Variants in R3HDM2 observed in about 807,000 individuals in gnomAD.
R3HDM2 encodes R3H domain containing 2.
A neutral mutation model predicts 124.5 loss-of-function variants in R3HDM2; 38 were observed. The ratio of observed to expected loss-of-function variants is 0.31; its 90% confidence interval spans 0.24 to 0.40. The LOEUF (loss-of-function observed/expected upper bound fraction) is 0.40. Among genes scored for constraint, R3HDM2 ranks in the 10% least tolerant of loss-of-function variants. The pLI is 1.00. For synonymous variants in R3HDM2, 391 were observed against 448.0 expected, an observed-to-expected ratio of 0.87 and a Z score of 1.61; for missense variants, 869 against 1,236.9, an observed-to-expected ratio of 0.70 and a Z score of 4.46.
At chr12:57,399,358 T>C (rs996664457) in intron 1 of R3HDM2, among the ~76,000 whole-genome samples, 6 of 152,078 alleles carry the variant, frequency 3.9e-5, no homozygotes, top group Non-Finnish European at 8.8e-5. Flanking sequence ...GCTGAGATCA[T>C]GCCACTGCAC....
At chr12:57,425,813 C>T (rs1181313763) in intron 1 of R3HDM2, among the ~76,000 whole-genome samples, 1 of 152,072 alleles carries the variant, frequency 6.6e-6, no homozygotes, top group Non-Finnish European at 1.5e-5. Flanking sequence ...AAAACGCACA[C>T]TTCACTCCCT....
At chr12:57,274,921 C>T (rs142762211) in intron 14 of R3HDM2, among the ~76,000 whole-genome samples, 82 of 151,990 alleles carry the variant, frequency 5.4e-4, no homozygotes, top group Non-Finnish European at 1.1e-3. Context: ...CAATGCAATC[C>T]CCATCAAAAT....
intron 4 of R3HDM2, among the ~76,000 whole-genome samples, chr12:57,301,444 G>A (rs2051138379): frequency 6.6e-6 from 1 of 152,196 alleles, no homozygotes; most frequent in African/African-American, 2.4e-5. Flanking sequence ...CGAGCCTGAA[G>A]AATTAACATC....
Position 57,256,052 on chromosome 12 carries a change from C to T in R3HDM2, c.2570G>A (p.Gly857Glu). 3.1e-6 allele frequency: 5 copies of T among 1,614,120 alleles called. No homozygotes were observed. Among genetic ancestry groups the T allele is most frequent in the African/African-American group, 1.3e-5 (1 of 75,042 alleles). The change falls in exon 23 of 24, where the codon GGA (glycine) becomes GAA (glutamate). Residue 857 changes from glycine (G) to glutamate (E), a missense_variant. By Grantham distance (98) the Gly-to-Glu change is moderately conservative (BLOSUM62 -2). Transcript: ENST00000402412. ...VHQGQSGLKH[G>E]NRGKRQALKS... ...GAGTGCTTGTCTCTTGCCCCGGTTT[C>T]CATGCTTCAGTCCACTCTGTCCCTT...
chr12:57,357,260 G>A (rs1449345224), intron 2 of R3HDM2, among the ~76,000 whole-genome samples: 1 of 151,992 alleles, frequency 6.6e-6, no homozygotes, highest in Non-Finnish European at 1.5e-5. Context: ...TCAGGAATTT[G>A]AGACCAGCCT....
chr12:57,277,806 C>A (rs1415728406), intron 14 of R3HDM2, among the ~76,000 whole-genome samples: 2 of 152,148 alleles, frequency 1.3e-5, no homozygotes, highest in Non-Finnish European at 2.9e-5. Context: ...TTTGTGTGTG[C>A]ACATGATCAC....
At chr12:57,411,494 T>C (rs1252891541) in intron 1 of R3HDM2, among the ~76,000 whole-genome samples, 1 of 152,228 alleles carries the variant, frequency 6.6e-6, no homozygotes, top group African/African-American at 2.4e-5. Flanking sequence ...AGGAACATGT[T>C]ACTAACACAT....
At chr12:57,359,914 G>A (rs1041219324) in intron 2 of R3HDM2, among the ~76,000 whole-genome samples, 19 of 149,616 alleles carry the variant, frequency 1.3e-4, no homozygotes, top group African/African-American at 3.9e-4. Context: ...TATAAGAATC[G>A]TGAAACAGTA....
rs940249290 is a variant in R3HDM2 at position 57,289,029 on chromosome 12, G to A, written c.918C>T (p.Asn306=). The A allele has an allele frequency of 5.2e-6, 8 of 1,549,144 alleles. No individual in the cohort carries two copies. Among genetic ancestry groups the A allele is most frequent in the Non-Finnish European group, 7.0e-6 (8 of 1,144,682 alleles). The change falls in exon 12 of 24, where the codon AAC becomes AAT. Residue 306 remains asparagine, a synonymous_variant. Transcript: ENST00000402412. ...CTAACCTGATGTCATTTAGATATCC[G>A]TTCTGGCCAGTCTAGGTGAGGGGGA... The part of the protein sequence containing the change: ...ERIFARETGQ[N]GYLNDIRGNR...
At chr12:57,271,778 G>T (rs1355803231) in intron 14 of R3HDM2, among the ~76,000 whole-genome samples, 1 of 152,148 alleles carries the variant, frequency 6.6e-6, no homozygotes, top group Non-Finnish European at 1.5e-5. Context: ...GAGTACAAAC[G>T]ATTTAAACAG....
intron 14 of R3HDM2, among the ~76,000 whole-genome samples, chr12:57,278,139 A>G (rs1261277216): frequency 6.6e-6 from 1 of 152,210 alleles, no homozygotes; most frequent in Non-Finnish European, 1.5e-5. Flanking sequence ...TCAAGAATGA[A>G]TTTCTAAGAG....
chr12:57,324,243 G>A (rs894391519), intron 2 of R3HDM2, among the ~76,000 whole-genome samples: 2 of 152,186 alleles, frequency 1.3e-5, no homozygotes, highest in East Asian at 1.9e-4. Flanking sequence ...GAGTGCAATG[G>A]CGTGATCTCG....
At chr12:57,379,236 G>T (rs1245895578) in intron 2 of R3HDM2, among the ~76,000 whole-genome samples, 1 of 152,156 alleles carries the variant, frequency 6.6e-6, no homozygotes, top group Non-Finnish European at 1.5e-5. Flanking sequence ...TAAATTTTAT[G>T]TTATGGTTAA....
At chr12:57,272,313 T>G (rs1041262162) in intron 14 of R3HDM2, 252 of 723,046 alleles carry the variant, frequency 3.5e-4, no homozygotes, top group Non-Finnish European at 5.9e-4. Flanking sequence ...CAGCCTGTGC[T>G]GGTCCCTCAA....
intron 13 of R3HDM2, 100 bp from the exon 14 acceptor site, chr12:57,280,630 C>T: frequency 9.2e-7 from 1 of 1,087,666 alleles, no homozygotes; most frequent in South Asian, 1.8e-5. Context: ...CTTTGCCTTT[C>T]CTCTTTATTC....
At chr12:57,262,435 C>A (rs1015036650) in intron 19 of R3HDM2, among the ~76,000 whole-genome samples, 1 of 152,178 alleles carries the variant, frequency 6.6e-6, no homozygotes, top group African/African-American at 2.4e-5. Context: ...AAGGGACCTG[C>A]AACCATCATT....
chr12:57,278,453 G>A (rs2045367384), intron 14 of R3HDM2, among the ~76,000 whole-genome samples: 1 of 151,990 alleles, frequency 6.6e-6, no homozygotes, highest in South Asian at 2.1e-4. Context: ...GAGACTAAGA[G>A]GGAGAAAAGG....
chr12:57,381,073 T>C (rs1229775089), intron 2 of R3HDM2, among the ~76,000 whole-genome samples: 1 of 151,638 alleles, frequency 6.6e-6, no homozygotes, highest in Non-Finnish European at 1.5e-5. Context: ...CTACTAAAAA[T>C]GCAAAACAAT....
chr12:57,418,143 T>C, intron 1 of R3HDM2: 1 of 984,990 alleles, frequency 1.0e-6, no homozygotes. Flanking sequence ...ACCCTTTTCT[T>C]ATCTCAGTAA....
Sources: allele counts gnomAD v4.1 joint callset (sites outside exome capture counted in the v4.1 genomes callset), GRCh38; gene constraint gnomAD v4.1.1; transcripts MANE v1.5; gene names NCBI Gene and HGNC (gene_info 2026-07-23, HGNC 2026-07-21).